SLC5A4: variants seen among roughly 807,000 people sequenced by gnomAD.
SLC5A4 encodes solute carrier family 5 member 4.
SLC5A4 carries 55 observed loss-of-function variants against 70.3 expected under a neutral mutation model. The observed-to-expected ratio is 0.78, with a 90% CI of 0.63 to 0.98. The LOEUF (loss-of-function observed/expected upper bound fraction) is 0.98, where lower values mean the gene tolerates loss of function less well. SLC5A4 is among the 50% of genes least tolerant of loss of function. The pLI, the probability that SLC5A4 is intolerant of heterozygous loss-of-function variation, is 0.00. For synonymous variants in SLC5A4, 268 were observed against 305.7 expected (o/e 0.88, Z 1.29); for missense variants, 735 against 839.2 (o/e 0.88, Z 1.53).
intron 5 of SLC5A4, among the ~76,000 whole-genome samples, chr22:32,246,423 T>C (rs964938788): frequency 1.3e-5 from 2 of 152,244 alleles, no homozygotes; most frequent in Non-Finnish European, 2.9e-5. Flanking sequence ...CACCGATACA[T>C]GAGGAGCAAA....
At chr22:32,251,171 A>AC (rs1460832536) in intron 3 of SLC5A4, among the ~76,000 whole-genome samples, 2 of 150,364 alleles carry the variant, frequency 1.3e-5, no homozygotes, top group Non-Finnish European at 1.5e-5. Flanking sequence ...AAAAAAAAAA[A>AC]AAAAACCAAA....
chr22:32,236,619 T>C (rs1926073061), intron 7 of SLC5A4, among the ~76,000 whole-genome samples: 1 of 152,186 alleles, frequency 6.6e-6, no homozygotes, highest in South Asian at 2.1e-4. Flanking sequence ...AATACTTCTG[T>C]AAAATTATCA....
At chr22:32,337,434 T>C in the SLC5A4 span, among the ~76,000 whole-genome samples, 18 of 152,170 alleles carry the variant, frequency 1.2e-4, no homozygotes, top group East Asian at 2.7e-3. Context: ...CTCAGGAGGC[T>C]AATTCAAGAG....
the SLC5A4 span, among the ~76,000 whole-genome samples, chr22:32,350,444 C>T: frequency 3.9e-5 from 6 of 152,160 alleles, no homozygotes; most frequent in African/African-American, 1.4e-4. Flanking sequence ...ATGTCCTCAT[C>T]TACAGCTATA....
At chr22:32,270,236 A>G in the SLC5A4 span, 137 of 695,032 alleles carry the variant, frequency 2.0e-4, no homozygotes, top group Admixed American at 3.9e-5. Context: ...CCCTGCACCA[A>G]TGCTGCCATG....
At chr22:32,310,006 C>T in the SLC5A4 span, among the ~76,000 whole-genome samples, 4 of 136,056 alleles carry the variant, frequency 2.9e-5, no homozygotes, top group South Asian at 1.0e-3. Context: ...CCACAAACCC[C>T]ATGAGTTTTT....
chr22:32,325,953 G>A, the SLC5A4 span, among the ~76,000 whole-genome samples: 17,745 of 152,306 alleles, frequency 0.12, 1,408 homozygotes, highest in Non-Finnish European at 0.18. Context: ...TAGTGAGAGA[G>A]GAGCTGAGCC....
chr22:32,268,485 C>T, the SLC5A4 span: 13 of 152,152 alleles, frequency 8.5e-5, no homozygotes, highest in Non-Finnish European at 1.6e-4. Context: ...ACATCAGGCC[C>T]GATTTCCAGC....
At chr22:32,320,064 G>A in the SLC5A4 span, among the ~76,000 whole-genome samples, 3 of 152,166 alleles carry the variant, frequency 2.0e-5, no homozygotes, top group East Asian at 3.9e-4. Flanking sequence ...AAACAGACCA[G>A]TTGCCAAGAA....
At chr22:32,302,186 C>T in the SLC5A4 span, among the ~76,000 whole-genome samples, 1 of 151,522 alleles carries the variant, frequency 6.6e-6, no homozygotes, top group African/African-American at 2.4e-5. Flanking sequence ...AATGGATATC[C>T]TCAGTAAAAT....
intron 3 of SLC5A4, 107 bp downstream of exon 3, chr22:32,251,663 T>A (rs1927167689): frequency 2.6e-6 from 2 of 781,480 alleles, no homozygotes; most frequent in Admixed American, 2.1e-5. Context: ...ACATTTCTGT[T>A]CTTTATAAAT....
chr22:32,267,826 A>G, the SLC5A4 span, among the ~76,000 whole-genome samples: 1 of 152,264 alleles, frequency 6.6e-6, no homozygotes, highest in East Asian at 1.9e-4. Flanking sequence ...AACTTCCCAA[A>G]GAAACAATCA....
the SLC5A4 span, among the ~76,000 whole-genome samples, chr22:32,293,338 C>T: frequency 6.6e-6 from 1 of 151,394 alleles, no homozygotes; most frequent in Admixed American, 6.6e-5. Context: ...TTTTTTGGTC[C>T]CACCTGTTTT....
chr22:32,329,075 G>A, the SLC5A4 span, among the ~76,000 whole-genome samples: 196 of 152,316 alleles, frequency 1.3e-3, 4 homozygotes, highest in African/African-American at 4.1e-3. Context: ...TGTGGGTTCC[G>A]CCAGAGTGAG....
the SLC5A4 span, among the ~76,000 whole-genome samples, chr22:32,302,512 C>A: frequency 6.6e-6 from 1 of 152,026 alleles, no homozygotes; most frequent in Non-Finnish European, 1.5e-5. Context: ...AGGTACTTAC[C>A]TCAAGGGTCT....
the SLC5A4 span, among the ~76,000 whole-genome samples, chr22:32,313,767 C>A: frequency 6.6e-6 from 1 of 152,174 alleles, no homozygotes; most frequent in Non-Finnish European, 1.5e-5. Context: ...TCACATGACC[C>A]AGTCTGGCCA....
upstream of SLC5A4, among the ~76,000 whole-genome samples, chr22:32,255,762 C>T (rs1206042026): frequency 6.6e-6 from 1 of 152,136 alleles, no homozygotes; most frequent in African/African-American, 2.4e-5. Flanking sequence ...AGCTATATCC[C>T]TTGACAGTGA....
intron 13 of SLC5A4, among the ~76,000 whole-genome samples, 155 bp downstream of exon 13, chr22:32,224,112 A>G (rs568902097): frequency 0.014 from 2,180 of 152,158 alleles, 18 homozygotes; most frequent in South Asian, 0.026. Context: ...AGTAGAGACA[A>G]GGTTTCACCG....
At chr22:32,254,600 C>T (rs1052543653) in intron 1 of SLC5A4, among the ~76,000 whole-genome samples, 2 of 151,994 alleles carry the variant, frequency 1.3e-5, no homozygotes, top group Admixed American at 1.3e-4. Context: ...GTCAAGAGAT[C>T]GAGACCATCC....
Sources: allele counts gnomAD v4.1 joint callset (sites outside exome capture counted in the v4.1 genomes callset), GRCh38; gene constraint gnomAD v4.1.1; transcripts MANE v1.5; gene names NCBI Gene and HGNC (gene_info 2026-07-23, HGNC 2026-07-21).